Variants in HEPH observed in about 807,000 individuals in gnomAD.
HEPH encodes hephaestin.
Under a neutral mutation model 80.8 loss-of-function variants are expected in HEPH, and 69 were observed. The observed-to-expected ratio is 0.85, with a 90% CI of 0.70 to 1.04. HEPH has a LOEUF of 1.04. HEPH is among the 50% of genes least tolerant of loss of function. The pLI is 0.00. For missense variants in HEPH, 1,115 were observed against 891.3 expected, an observed-to-expected ratio of 1.25 and a Z score of -3.20; for synonymous variants, 431 against 322.8, an observed-to-expected ratio of 1.34 and a Z score of -3.60.
intron 15 of HEPH, among the ~76,000 whole-genome samples, chrX:66,242,434 T>C (rs187699246): frequency 9.0e-6 from 1 of 111,676 alleles, no homozygotes; most frequent in East Asian, 2.8e-4. Flanking sequence ...ACCTAGGACA[T>C]ATCATTATGC....
At chrX:66,236,911 G>T (rs1350728931) in intron 15 of HEPH, among the ~76,000 whole-genome samples, 4 of 111,595 alleles carry the variant, frequency 3.6e-5, no homozygotes, top group Non-Finnish European at 5.6e-5. Context: ...GTGCATAGAG[G>T]TGTTAATAAT....
chrX:66,170,398 G>T (rs1433759200), intron 1 of HEPH, 160 bp from the exon 2 acceptor site: 7 of 416,387 alleles, frequency 1.7e-5, no homozygotes, highest in African/African-American at 1.5e-4. Flanking sequence ...AAAACTTATT[G>T]AATTAAAAGG....
At chrX:66,225,333 C>T (rs1449466242) in intron 15 of HEPH, among the ~76,000 whole-genome samples, 1 of 111,788 alleles carries the variant, frequency 8.9e-6, no homozygotes, top group East Asian at 2.8e-4. Context: ...CACACACACA[C>T]CACAAAACAA....
chrX:66,244,116 A>G (rs756894455), intron 15 of HEPH, among the ~76,000 whole-genome samples: 10 of 110,932 alleles, frequency 9.0e-5, no homozygotes, highest in Admixed American at 1.9e-4. Context: ...TTTTTCCTCT[A>G]TTTTGACCTT....
At chrX:66,203,163 C>T (rs768701183) in intron 12 of HEPH, among the ~76,000 whole-genome samples, 1 of 109,584 alleles carries the variant, frequency 9.1e-6, no homozygotes, top group South Asian at 4.0e-4. Flanking sequence ...AGCTTTGGAG[C>T]CGGAGCTCTT....
At chrX:66,226,841 A>T (rs2089912990) in intron 15 of HEPH, among the ~76,000 whole-genome samples, 1 of 111,821 alleles carries the variant, frequency 8.9e-6, no homozygotes, top group South Asian at 3.7e-4. Context: ...ACACAGCTGA[A>T]TTCTATCAGA....
intron 15 of HEPH, among the ~76,000 whole-genome samples, chrX:66,215,357 C>T (rs1411745354): frequency 9.0e-6 from 1 of 110,532 alleles, no homozygotes; most frequent in East Asian, 2.8e-4. Flanking sequence ...GAGTTTTATT[C>T]TTCTATCTCT....
At chrX:66,231,319 C>T (rs1477754522) in intron 15 of HEPH, among the ~76,000 whole-genome samples, 32 of 106,345 alleles carry the variant, frequency 3.0e-4, no homozygotes, top group Non-Finnish European at 7.7e-5. Context: ...TGAAGAAAGT[C>T]ATTGGTAGCT....
chrX:66,234,955 C>T lies in HEPH; in HGVS notation c.2564-20080C>T, dbSNP rs2090301248. Among the ~76,000 whole-genome samples the T allele has an allele frequency of 3.6e-5, 4 of 110,228 alleles. No individual in the cohort carries two copies. The South Asian group carries it at 1.5e-3, about 43-fold the overall frequency. On this transcript the variant is annotated intron_variant, in intron 15 of 20. Coordinates refer to ENST00000343002, the MANE Select transcript of HEPH (RefSeq NM_001367233.3). ...TGAACCACCACACCTGGCCATTGAG[C>T]AGTTTTTTTTTTCCTATATGATTGT...
At chrX:66,258,666 A>G (rs755683931) in intron 17 of HEPH, among the ~76,000 whole-genome samples, 174 bp from the exon 18 acceptor site, 1 of 112,038 alleles carries the variant, frequency 8.9e-6, no homozygotes, top group Admixed American at 9.5e-5. Context: ...GATAATATCA[A>G]TGTAAGAAGA....
chrX:66,267,571 C>T (rs904868722), downstream of HEPH: 1 of 111,085 alleles, frequency 9.0e-6, no homozygotes, highest in African/African-American at 3.3e-5. Flanking sequence ...TGGGTACCAC[C>T]CTAGAAAAGG....
intron 15 of HEPH, among the ~76,000 whole-genome samples, chrX:66,211,849 A>G (rs182617111): frequency 4.1e-4 from 46 of 111,546 alleles, no homozygotes; most frequent in Non-Finnish European, 7.2e-4. Context: ...ATTTGGGTAA[A>G]TACCTAGTAG....
upstream of HEPH, chrX:66,162,927 C>T (rs994400256): frequency 2.1e-5 from 23 of 1,090,062 alleles, no homozygotes; most frequent in Non-Finnish European, 2.4e-5. Context: ...CCTTCCTATA[C>T]CTGGGTCTGT....
At chrX:66,244,549 C>T (rs1461820121) in intron 15 of HEPH, among the ~76,000 whole-genome samples, 2 of 111,448 alleles carry the variant, frequency 1.8e-5, no homozygotes, top group Non-Finnish European at 3.8e-5. Context: ...CTTTTATCTC[C>T]TATATCATTT....
At chrX:66,251,431 T>A (rs1171892477) in intron 15 of HEPH, among the ~76,000 whole-genome samples, 1 of 112,379 alleles carries the variant, frequency 8.9e-6, no homozygotes, top group Admixed American at 9.4e-5. Context: ...TAATTTTGAT[T>A]TGCATTTTCC....
chrX:66,263,039 G>A (rs1052741329), intron 19 of HEPH, among the ~76,000 whole-genome samples: 2 of 111,022 alleles, frequency 1.8e-5, no homozygotes, highest in African/African-American at 6.5e-5. Flanking sequence ...AATTGAGGGA[G>A]AGGAAGACTG....
intron 15 of HEPH, among the ~76,000 whole-genome samples, chrX:66,222,278 G>C (rs926849840): frequency 1.8e-5 from 2 of 112,816 alleles, no homozygotes; most frequent in African/African-American, 6.4e-5. Flanking sequence ...ACAGCAGAGA[G>C]AGCTTGGCAT....
chrX:66,250,949 T>A (rs1367966339), intron 15 of HEPH, among the ~76,000 whole-genome samples: 4 of 112,349 alleles, frequency 3.6e-5, no homozygotes, highest in Non-Finnish European at 7.5e-5. Flanking sequence ...AGTGGCACAA[T>A]CTTGGCTAAC....
intron 4 of HEPH, among the ~76,000 whole-genome samples, chrX:66,179,160 A>G (rs991757369): frequency 2.4e-4 from 27 of 112,361 alleles, no homozygotes; most frequent in African/African-American, 7.8e-4. Flanking sequence ...AGCTTTCTAC[A>G]TATGGCTAGC....
Sources: allele counts gnomAD v4.1 joint callset (sites outside exome capture counted in the v4.1 genomes callset), GRCh38; gene constraint gnomAD v4.1.1; transcripts MANE v1.5; gene names NCBI Gene and HGNC (gene_info 2026-07-23, HGNC 2026-07-21).